The following PAG1 variants were observed in gnomAD, a reference collection of about 807,000 sequenced individuals.
PAG1 encodes phosphoprotein associated with glycosphingolipid-enriched microdomains 1.
A neutral mutation model predicts 31.7 loss-of-function variants in PAG1; 23 were observed. The ratio of observed to expected loss-of-function variants is 0.73; its 90% confidence interval spans 0.52 to 1.03. The LOEUF (loss-of-function observed/expected upper bound fraction) is 1.03, where lower values mean the gene tolerates loss of function less well. PAG1 is among the 50% of genes least tolerant of loss of function. The pLI, the probability that PAG1 is intolerant of heterozygous loss-of-function variation, is 0.00. For missense variants in PAG1, 473 were observed against 540.7 expected (o/e 0.87, Z 1.24); for synonymous variants, 214 against 210.3 (o/e 1.02, Z -0.15).
intron 2 of PAG1, among the ~76,000 whole-genome samples, chr8:81,052,418 A>ACAGTATTTTAGCTTAC (rs146009883): frequency 0.29 from 43,502 of 151,948 alleles, 8,339 homozygotes; most frequent in African/African-American, 0.55. Flanking sequence ...CGGCATTGAG[A>ACAGTATTTTAGCTTAC]CATCCTTAAC....
At chr8:81,033,647 C>T (rs201454960) in intron 2 of PAG1, among the ~76,000 whole-genome samples, 7 of 152,312 alleles carry the variant, frequency 4.6e-5, no homozygotes, top group South Asian at 4.1e-4. Flanking sequence ...TTCATGAGGA[C>T]GGTTGGTGAC....
chr8:81,045,256 C>T (rs540255986), intron 2 of PAG1, among the ~76,000 whole-genome samples: 18 of 152,290 alleles, frequency 1.2e-4, no homozygotes, highest in Admixed American at 5.2e-4. Context: ...CTGATAATGG[C>T]TGAAGAGTAC....
chr8:81,108,302 G>A (rs1809724169), intron 1 of PAG1, among the ~76,000 whole-genome samples: 1 of 152,238 alleles, frequency 6.6e-6, no homozygotes, highest in South Asian at 2.1e-4. Context: ...AGTTGAAACA[G>A]AAGATAATTC....
chr8:80,985,813 C>G (rs886172991), intron 6 of PAG1, among the ~76,000 whole-genome samples: 1 of 152,168 alleles, frequency 6.6e-6, no homozygotes, highest in African/African-American at 2.4e-5. Context: ...GGTAGCCACC[C>G]CCTTTCACAC....
In PAG1 at chr8:81,107,311, C is replaced by T. The variant is rs150934015; in HGVS notation, c.-234+4280G>A. Reference sequence around the variant, plus strand: ...GGTAGGCATGTGTCTTCCCACCATTCCTTCACCTGGGGACCAAGCAAGATA... The same window carrying T: ...GGTAGGCATGTGTCTTCCCACCATTTCTTCACCTGGGGACCAAGCAAGATA... On this transcript the variant is annotated intron_variant, in intron 1 of 8. Transcript: ENST00000220597. Among the ~76,000 whole-genome samples, 203 of 152,284 alleles carry T rather than the reference C, an allele frequency of 1.3e-3. 1 individual carries two copies. The highest frequency in any genetic ancestry group is 6.8e-3 in the Middle Eastern group (2 of 294).
intron 3 of PAG1, among the ~76,000 whole-genome samples, chr8:81,019,469 G>A (rs10086722): frequency 4.4e-4 from 67 of 152,326 alleles, no homozygotes; most frequent in African/African-American, 1.4e-3. Context: ...GGGACATGGC[G>A]CCCTGCATCC....
At chr8:81,101,376 T>A (rs1036708685) in intron 1 of PAG1, among the ~76,000 whole-genome samples, 5 of 152,220 alleles carry the variant, frequency 3.3e-5, no homozygotes, top group African/African-American at 1.2e-4. Flanking sequence ...TACAAATATT[T>A]ATCAGGACTT....
intron 1 of PAG1, among the ~76,000 whole-genome samples, chr8:81,107,678 A>G (rs1342444194): frequency 6.6e-6 from 1 of 152,216 alleles, no homozygotes. Flanking sequence ...ATTCATTCCA[A>G]TTCTTATCCA....
chr8:81,055,685 T>C, intron 2 of PAG1, among the ~76,000 whole-genome samples: 1 of 152,118 alleles, frequency 6.6e-6, no homozygotes. Flanking sequence ...CCCTTGTAAG[T>C]TGGATTCCTA....
intron 1 of PAG1, among the ~76,000 whole-genome samples, chr8:81,087,070 C>T (rs1262894747): frequency 6.6e-5 from 10 of 152,140 alleles, no homozygotes; most frequent in Admixed American, 5.9e-4. Context: ...AGCGGCCAGG[C>T]GTGGTGGCTC....
intron 1 of PAG1, among the ~76,000 whole-genome samples, chr8:81,101,035 A>T (rs13269745): frequency 0.44 from 67,688 of 152,130 alleles, 16,406 homozygotes; most frequent in East Asian, 0.76. Flanking sequence ...ATAATTCAGG[A>T]TGTGACATGC....
intron 6 of PAG1, 105 bp downstream of exon 6, chr8:80,987,265 T>A (rs1807443475): frequency 1.3e-6 from 1 of 746,834 alleles, no homozygotes; most frequent in African/African-American, 1.7e-5. Context: ...ATACTAAAAC[T>A]GAGCAATAAC....
At chr8:80,996,761 T>G (rs535905578) in intron 3 of PAG1, among the ~76,000 whole-genome samples, 10 of 152,298 alleles carry the variant, frequency 6.6e-5, no homozygotes, top group African/African-American at 2.4e-4. Flanking sequence ...TGCCCTTAAA[T>G]GCAGTGCTTG....
At chr8:80,999,173 G>A (rs1422228443) in intron 3 of PAG1, among the ~76,000 whole-genome samples, 1 of 152,210 alleles carries the variant, frequency 6.6e-6, no homozygotes, top group Non-Finnish European at 1.5e-5. Context: ...CAGGGACTGT[G>A]CTACAGAAAA....
At chr8:81,024,060 G>A (rs1347340175) in intron 3 of PAG1, among the ~76,000 whole-genome samples, 2 of 152,166 alleles carry the variant, frequency 1.3e-5, no homozygotes, top group Non-Finnish European at 2.9e-5. Context: ...TCATAAGCAT[G>A]TTCACTCATC....
intron 5 of PAG1, among the ~76,000 whole-genome samples, chr8:80,989,164 T>C (rs376001890): frequency 1.6e-4 from 24 of 152,198 alleles, no homozygotes; most frequent in African/African-American, 5.3e-4. Context: ...CAAAAGTGTA[T>C]TGGAAGTCAG....
At chr8:81,007,623 C>A (rs1586161319) in intron 3 of PAG1, among the ~76,000 whole-genome samples, 2 of 97,426 alleles carry the variant, frequency 2.1e-5, no homozygotes, top group African/African-American at 4.2e-5. Context: ...GGTGACAGAG[C>A]AAGACTCTGT....
intron 1 of PAG1, among the ~76,000 whole-genome samples, chr8:81,077,878 G>C (rs1161068260): frequency 1.3e-5 from 2 of 152,134 alleles, no homozygotes; most frequent in African/African-American, 4.8e-5. Flanking sequence ...CTATCAAAGA[G>C]AGCCAGAAGG....
chr8:80,996,613 G>A (rs148500775), intron 3 of PAG1, among the ~76,000 whole-genome samples: 1 of 152,134 alleles, frequency 6.6e-6, no homozygotes, highest in Admixed American at 6.5e-5. Context: ...CCTGTGCATG[G>A]GGATGGCCCC....
Sources: allele counts gnomAD v4.1 joint callset (sites outside exome capture counted in the v4.1 genomes callset), GRCh38; gene constraint gnomAD v4.1.1; transcripts MANE v1.5; gene names NCBI Gene and HGNC (gene_info 2026-07-23, HGNC 2026-07-21).